The following MX1 variants were observed in gnomAD, a reference collection of about 807,000 sequenced individuals.
MX1 encodes MX dynamin like GTPase 1.
A neutral mutation model predicts 66.4 loss-of-function variants in MX1; 66 were observed. The observed-to-expected ratio is 0.99, with a 90% CI of 0.82 to 1.22. The LOEUF (loss-of-function observed/expected upper bound fraction) is 1.22, where lower values mean the gene tolerates loss of function less well. MX1 is among the 50% of genes most tolerant of loss of function. MX1 has a pLI of 0.00. For missense variants in MX1, 787 were observed against 834.3 expected (o/e 0.94, Z 0.70); for synonymous variants, 311 against 318.1 (o/e 0.98, Z 0.24).
chr21:41,454,317 T>G lies in MX1; in HGVS notation c.1758+1448T>G, dbSNP rs546620372. Among the ~76,000 whole-genome samples the G allele has an allele frequency of 1.1e-4, 16 of 152,162 alleles. No homozygotes were observed. The South Asian group carries it at 3.1e-3, about 30-fold the overall frequency. ...CAAGGAGATTTCATGGTTTGTGGGGTGTGTGTGACTTAACCCCTGCCTCAC... is the reference window on the plus strand; with the variant it reads ...CAAGGAGATTTCATGGTTTGTGGGGGGTGTGTGACTTAACCCCTGCCTCAC... On this transcript the variant is annotated intron_variant, in intron 16 of 16. Transcript: ENST00000398598.
intron 3 of MX1, chr21:41,428,321 T>G (rs374542760): frequency 6.6e-6 from 1 of 152,250 alleles, no homozygotes; most frequent in African/African-American, 2.4e-5. Flanking sequence ...AAATTCAGGA[T>G]TTATTGTGAG....
chr21:41,439,861 A>T lies in MX1; in HGVS notation c.591+13A>T. ...CATTGGGTATAAGGTCAGACTTCAGACCCATTCTGACCTTGGCCGTGGCGT... is the reference window on the plus strand; with the variant it reads ...CATTGGGTATAAGGTCAGACTTCAGTCCCATTCTGACCTTGGCCGTGGCGT... On this transcript the variant is annotated intron_variant, in intron 8 of 16. Transcript: ENST00000398598. 1 of 1,594,380 alleles carries T rather than the reference A, an allele frequency of 6.3e-7. No homozygotes were observed.
chr21:41,453,866 T>C (rs1398454815), intron 16 of MX1, among the ~76,000 whole-genome samples: 1 of 150,276 alleles, frequency 6.7e-6, no homozygotes. Flanking sequence ...AGTTAAACTT[T>C]GTCTACAAAC....
rs369619357 is a variant in MX1 at position 41,441,337 on chromosome 21, A to G, written c.730+312A>G. ...CTAGGTTGCCTTGTAAGCCTTATCT[A>G]CTTGCTCAGAAAGGCACAGTGGGCT... On this transcript the variant is annotated intron_variant, in intron 9 of 16. Transcript: ENST00000398598. This position sits in a 1 kb window ranked among gnomAD's most constrained non-coding sequence, Gnocchi z 4.0. 12 of 432,678 alleles carry G rather than the reference A, an allele frequency of 2.8e-5. 1 individual carries two copies. The highest frequency in any genetic ancestry group is 9.8e-5 in the African/African-American group (5 of 50,876). 26.8% of individuals were successfully genotyped at this position (432,678 alleles called of 1,614,324 possible).
At chr21:41,435,148 C>G (rs1022111875) in intron 5 of MX1, among the ~76,000 whole-genome samples, 1 of 152,164 alleles carries the variant, frequency 6.6e-6, no homozygotes, top group Non-Finnish European at 1.5e-5. Flanking sequence ...TCATTTGTGT[C>G]CCTCTGCTCA....
At chr21:41,439,897 GA>G in intron 8 of MX1, 49 bp downstream of exon 8, 10 of 1,443,664 alleles carry the variant, frequency 6.9e-6, no homozygotes, top group Non-Finnish European at 8.7e-6. Flanking sequence ...GGGGATGGGG[GA>G]GTGGAGGGGT....
chr21:41,459,125 C>T lies in MX1; in HGVS notation c.*367C>T, dbSNP rs2091027669. The T allele has an allele frequency of 6.6e-6, 2 of 303,904 alleles. No homozygotes were observed. The highest frequency in any genetic ancestry group is 1.1e-4 in the South Asian group (2 of 17,570). 18.8% of individuals were successfully genotyped at this position (303,904 alleles called of 1,614,324 possible). A position where few individuals can be genotyped will look rare whatever the true frequency, so the allele number is the denominator to read the frequency against. ...CATTTTTATAATGTCCCTTCACAAA[C>T]CCAGTGTTTTAGGAGCATGAGTGCC... On this transcript the variant is annotated 3_prime_UTR_variant, in exon 17 of 17. Transcript: ENST00000398598.
chr21:41,432,323 G>C, intron 5 of MX1, 148 bp downstream of exon 5: 1 of 714,326 alleles, frequency 1.4e-6, no homozygotes, highest in African/African-American at 1.8e-5. Context: ...CCCTCTACTT[G>C]CCAGCTGACA....
chr21:41,436,608 G>C (rs1349574146), intron 6 of MX1, among the ~76,000 whole-genome samples: 1 of 152,200 alleles, frequency 6.6e-6, no homozygotes, highest in Non-Finnish European at 1.5e-5. Context: ...ACAGTAGGAG[G>C]ACTGTTGTAA....
intron 1 of MX1, among the ~76,000 whole-genome samples, chr21:41,421,155 G>A (rs774938951): frequency 6.6e-6 from 1 of 152,296 alleles, no homozygotes; most frequent in Non-Finnish European, 1.5e-5. Context: ...ATCATAGACA[G>A]GGTAAAGAAT....
Position 41,441,803 on chromosome 21 carries a change from A to G in MX1, c.818A>G (p.Lys273Arg). 1.2e-6 allele frequency: 2 copies of G among 1,614,182 alleles called. No individual in the cohort carries two copies. Among genetic ancestry groups the G allele is most frequent in the Non-Finnish European group, 1.7e-6 (2 of 1,180,036 alleles). Residue 273 changes from lysine to arginine, a missense_variant, in exon 10 of 17, where the codon AAG (lysine) becomes AGG (arginine). Physicochemically the swap from Lys to Arg is conservative, Grantham distance 26. Transcript: ENST00000398598. The surrounding 1 kb of genome is among the most constrained non-coding windows in gnomAD (Gnocchi z 4.0). ...CGGAACCTCGTGTTCCACCTGAAGAAGGGTTACATGATTGTCAAGTGCCGG... is the reference window on the plus strand; with the variant it reads ...CGGAACCTCGTGTTCCACCTGAAGAGGGGTTACATGATTGTCAAGTGCCGG... ...VVRNLVFHLK[K>R]GYMIVKCRGQ...
chr21:41,456,111 G>A (rs1405321507), intron 16 of MX1, among the ~76,000 whole-genome samples: 1 of 152,166 alleles, frequency 6.6e-6, no homozygotes, highest in Non-Finnish European at 1.5e-5. Flanking sequence ...GTGCATGGTG[G>A]CCCATGCCTA....
chr21:41,453,656 C>T (rs1409214505), intron 16 of MX1, among the ~76,000 whole-genome samples: 1 of 152,146 alleles, frequency 6.6e-6, no homozygotes, highest in Non-Finnish European at 1.5e-5. Context: ...CTCAGGAGGT[C>T]CTGAGGAAGT....
chr21:41,431,078 A>C (rs2090198037), intron 4 of MX1, among the ~76,000 whole-genome samples: 2 of 152,200 alleles, frequency 1.3e-5, no homozygotes, highest in African/African-American at 4.8e-5. Context: ...GCTGGAGTGC[A>C]GTGGTGCGAT....
chr21:41,436,208 G>A (rs560183445), intron 6 of MX1, among the ~76,000 whole-genome samples, 179 bp downstream of exon 6: 6 of 152,252 alleles, frequency 3.9e-5, no homozygotes, highest in African/African-American at 7.2e-5. Flanking sequence ...CCTCCTCACC[G>A]CTCCCCCATG....
At chr21:41,450,474 G>C (rs1424860369) in intron 14 of MX1, among the ~76,000 whole-genome samples, 1 of 152,164 alleles carries the variant, frequency 6.6e-6, no homozygotes, top group African/African-American at 2.4e-5. Flanking sequence ...ATTCAGAGGT[G>C]TATTTCCAGT....
At chr21:41,457,307 A>G (rs2090983030) in intron 16 of MX1, among the ~76,000 whole-genome samples, 1 of 152,224 alleles carries the variant, frequency 6.6e-6, no homozygotes, top group Admixed American at 6.5e-5. Context: ...GTTTTAGACT[A>G]TGCGTAAGTT....
chr21:41,424,518 T>TG (rs2090027099), upstream of MX1, among the ~76,000 whole-genome samples: 1 of 152,092 alleles, frequency 6.6e-6, no homozygotes, highest in Non-Finnish European at 1.5e-5. Flanking sequence ...TGAGGTTGGT[T>TG]GGGGGTGACC....
At position 41,458,687 on chromosome 21, in the gene MX1, C is replaced by T. The variant is rs1383166162; in HGVS notation, c.1918C>T (p.Arg640Trp). 8.1e-6 allele frequency: 13 copies of T among 1,614,194 alleles called. No individual in the cohort carries two copies. The highest frequency in any genetic ancestry group is 1.1e-5 in the South Asian group (1 of 91,084). ...LKERSDTSDK[R>W]KFLKERLARL... ...GGAGCGGAGCGACACCAGCGACAAG[C>T]GGAAGTTCCTGAAGGAGCGGCTTGC... The change falls in exon 17 of 17, where the codon CGG (arginine) becomes TGG (tryptophan). Residue 640 changes from arginine to tryptophan, a missense_variant. Transcript: ENST00000398598.
Sources: gnomAD v4.1 joint callset for allele counts (sites outside exome capture counted in the v4.1 genomes callset) on GRCh38, gnomAD v4.1.1 for gene constraint, Gnocchi (gnomAD v3.1) non-coding constraint, MANE v1.5 for transcripts, NCBI Gene and HGNC (gene_info 2026-07-23, HGNC 2026-07-21) for gene names.